The following HSD17B12 variants were observed in gnomAD, a reference collection of about 807,000 sequenced individuals.
HSD17B12 encodes very-long-chain 3-oxoacyl-CoA reductase.
In HSD17B12, 32 loss-of-function variants were observed where a neutral mutation model predicts 39.3. The ratio of observed to expected loss-of-function variants is 0.81; its 90% CI spans 0.61 to 1.09. The LOEUF (loss-of-function observed/expected upper bound fraction) is 1.09, where lower values mean the gene tolerates loss of function less well. Among genes scored for constraint, HSD17B12 ranks in the 50% least tolerant of loss-of-function variants. HSD17B12 has a pLI of 0.00. For synonymous variants in HSD17B12, 150 were observed against 146.7 expected (o/e 1.02, Z -0.16); for missense variants, 342 against 382.9 (o/e 0.89, Z 0.89).
At chr11:43,624,618 A>G in the HSD17B12 span, among the ~76,000 whole-genome samples, 1 of 151,976 alleles carries the variant, frequency 6.6e-6, no homozygotes, top group East Asian at 1.9e-4. Flanking sequence ...CAAGCTATGA[A>G]AATATAAAGG....
chr11:43,625,432 A>C, the HSD17B12 span, among the ~76,000 whole-genome samples: 1 of 151,524 alleles, frequency 6.6e-6, no homozygotes, highest in African/African-American at 2.4e-5. Context: ...TTAAAGTAAC[A>C]ATAGATAATT....
intron 3 of HSD17B12, among the ~76,000 whole-genome samples, chr11:43,794,615 C>G (rs1950899683): frequency 6.6e-6 from 1 of 152,176 alleles, no homozygotes; most frequent in South Asian, 2.1e-4. Flanking sequence ...TCACTTTAAA[C>G]ATTCACCGGG....
chr11:43,765,247 GA>G (rs541012528), intron 3 of HSD17B12, among the ~76,000 whole-genome samples: 1 of 148,958 alleles, frequency 6.7e-6, no homozygotes, highest in East Asian at 2.0e-4. Flanking sequence ...TTGTATATCT[GA>G]AAAAAAAACC....
At chr11:43,577,524 T>G in the HSD17B12 span, among the ~76,000 whole-genome samples, 2 of 152,098 alleles carry the variant, frequency 1.3e-5, no homozygotes, top group Non-Finnish European at 2.9e-5. Flanking sequence ...CGCCAGTGGG[T>G]TTGAAAGATT....
At chr11:43,733,172 A>G (rs1288161766) in intron 1 of HSD17B12, among the ~76,000 whole-genome samples, 1 of 152,248 alleles carries the variant, frequency 6.6e-6, no homozygotes, top group Non-Finnish European at 1.5e-5. Flanking sequence ...GTGTGTGCAC[A>G]GTGCATTATT....
At chr11:43,621,735 T>G in the HSD17B12 span, among the ~76,000 whole-genome samples, 3 of 152,112 alleles carry the variant, frequency 2.0e-5, no homozygotes, top group Non-Finnish European at 4.4e-5. Context: ...AACAAATATT[T>G]TCCAAATTCG....
At chr11:43,843,935 GA>G (rs1951450785) in intron 9 of HSD17B12, among the ~76,000 whole-genome samples, 23 of 152,268 alleles carry the variant, frequency 1.5e-4, no homozygotes, top group Admixed American at 5.2e-4. Context: ...TGGTAAACGG[GA>G]GACCCACCTT....
At chr11:43,664,052 A>G in the HSD17B12 span, among the ~76,000 whole-genome samples, 3 of 151,578 alleles carry the variant, frequency 2.0e-5, no homozygotes, top group African/African-American at 7.3e-5. Context: ...GTTTCATCAT[A>G]TTGGTCAGGC....
At chr11:43,840,889 C>T (rs763183078) in intron 9 of HSD17B12, among the ~76,000 whole-genome samples, 1 of 152,084 alleles carries the variant, frequency 6.6e-6, no homozygotes, top group Non-Finnish European at 1.5e-5. Flanking sequence ...TATATGTATA[C>T]AGAAGTGGAA....
chr11:43,559,190 T>G, the HSD17B12 span, among the ~76,000 whole-genome samples: 3 of 152,098 alleles, frequency 2.0e-5, no homozygotes, highest in Admixed American at 2.0e-4. Flanking sequence ...GTTTATTGCT[T>G]AAGTCAACAA....
chr11:43,714,886 A>G (rs1221566146), intron 1 of HSD17B12, among the ~76,000 whole-genome samples: 3 of 152,162 alleles, frequency 2.0e-5, no homozygotes, highest in African/African-American at 7.2e-5. Flanking sequence ...CTTTGAAGCA[A>G]TTGTGAAGGG....
the HSD17B12 span, among the ~76,000 whole-genome samples, chr11:43,669,328 C>A: frequency 6.6e-6 from 1 of 151,902 alleles, no homozygotes; most frequent in Non-Finnish European, 1.5e-5. Flanking sequence ...TGCTGAAACC[C>A]CGTCTCTACT....
chr11:43,755,723 A>C (rs893001691), intron 3 of HSD17B12, among the ~76,000 whole-genome samples: 12 of 152,176 alleles, frequency 7.9e-5, no homozygotes, highest in African/African-American at 2.4e-4. Flanking sequence ...GATTCTTCCA[A>C]CATACTTATG....
the HSD17B12 span, among the ~76,000 whole-genome samples, chr11:43,664,131 G>A: frequency 1.4e-4 from 22 of 152,306 alleles, no homozygotes; most frequent in South Asian, 2.5e-3. Flanking sequence ...TTACAGGCTT[G>A]AGCCACTATG....
intron 7 of HSD17B12, among the ~76,000 whole-genome samples, chr11:43,835,495 C>T (rs1180751239): frequency 1.3e-5 from 2 of 151,980 alleles, no homozygotes; most frequent in Non-Finnish European, 2.9e-5. Flanking sequence ...AAAGAAAGAG[C>T]GAGAGAGTTT....
chr11:43,793,029 T>C (rs2135034672), intron 3 of HSD17B12, among the ~76,000 whole-genome samples: 1 of 152,286 alleles, frequency 6.6e-6, no homozygotes, highest in South Asian at 2.1e-4. Context: ...TGGTGCTAGC[T>C]GCAGGGAATA....
the HSD17B12 span, among the ~76,000 whole-genome samples, chr11:43,619,705 C>T: frequency 2.6e-5 from 4 of 151,908 alleles, no homozygotes; most frequent in Non-Finnish European, 5.9e-5. Flanking sequence ...CTTTTCCTTT[C>T]AAACCAACAG....
At chr11:43,787,442 G>T (rs926858652) in intron 3 of HSD17B12, among the ~76,000 whole-genome samples, 2 of 152,062 alleles carry the variant, frequency 1.3e-5, no homozygotes, top group African/African-American at 4.8e-5. Context: ...AAATGGCAAT[G>T]AAGTAAATAC....
At chr11:43,579,601 G>C in the HSD17B12 span, 1 of 152,140 alleles carries the variant, frequency 6.6e-6, no homozygotes, top group Non-Finnish European at 1.5e-5. Flanking sequence ...AGTCTGAGCA[G>C]AACTTTTTTT....
Sources: gnomAD v4.1 joint callset for allele counts (sites outside exome capture counted in the v4.1 genomes callset) on GRCh38, gnomAD v4.1.1 for gene constraint, MANE v1.5 for transcripts, NCBI Gene and HGNC (gene_info 2026-07-23, HGNC 2026-07-21) for gene names.